The following GRID1 variants were observed in gnomAD, a reference collection of about 807,000 sequenced individuals.
The protein encoded by GRID1 is glutamate ionotropic receptor delta type subunit 1.
Under a neutral mutation model 98.0 loss-of-function variants are expected in GRID1, and 28 were observed. The ratio of observed to expected loss-of-function variants is 0.29; its 90% CI spans 0.21 to 0.39. The LOEUF (loss-of-function observed/expected upper bound fraction) is 0.39. Ranked by LOEUF, GRID1 falls within the 10% of genes least tolerant of loss-of-function variation. GRID1 has a pLI of 1.00. For missense variants in GRID1, 1,111 were observed against 1,340.5 expected (o/e 0.83, Z 2.67); for synonymous variants, 553 against 538.5 (o/e 1.03, Z -0.37).
intron 8 of GRID1, among the ~76,000 whole-genome samples, chr10:85,769,339 C>A (rs1262580625): frequency 6.6e-6 from 1 of 152,150 alleles, no homozygotes; most frequent in African/African-American, 2.4e-5. Flanking sequence ...ATGGCAGGAG[C>A]TGGAGCCAAG....
At chr10:86,255,882 AC>A (rs759031301) in intron 2 of GRID1, among the ~76,000 whole-genome samples, 1 of 152,038 alleles carries the variant, frequency 6.6e-6, no homozygotes, top group Non-Finnish European at 1.5e-5. Flanking sequence ...CATGTCCAAC[AC>A]AGTCTGCCCT....
chr10:86,306,141 A>G (rs530145560), intron 2 of GRID1, among the ~76,000 whole-genome samples: 1 of 152,338 alleles, frequency 6.6e-6, no homozygotes, highest in East Asian at 1.9e-4. Flanking sequence ...AAAACCCTTT[A>G]GTCAAGGCTT....
chr10:85,956,351 T>A (rs1163298060), intron 4 of GRID1, among the ~76,000 whole-genome samples: 1 of 150,080 alleles, frequency 6.7e-6, no homozygotes. Flanking sequence ...TCCAGCAAGC[T>A]TCTGCTAGCC....
rs1847425107 is a variant in GRID1, at chr10:86,285,955, A to G, written c.235+77986T>C. On this transcript the variant is annotated intron_variant, in intron 2 of 15. Coordinates refer to ENST00000327946, the MANE Select transcript of GRID1 (RefSeq NM_017551.3). ...CAATAACTTATCAACAACATTAAGCAAGAACTTATTGTAGATGTGGGTTTA... is the reference window on the plus strand; with the variant it reads ...CAATAACTTATCAACAACATTAAGCGAGAACTTATTGTAGATGTGGGTTTA... Among the ~76,000 whole-genome samples the G allele has an allele frequency of 3.3e-5, 5 of 152,350 alleles. No homozygotes were observed. In the South Asian group the frequency reaches 1.0e-3, roughly 32 times the overall value.
chr10:85,670,728 G>A (rs554695060), intron 12 of GRID1, among the ~76,000 whole-genome samples: 1 of 152,082 alleles, frequency 6.6e-6, no homozygotes, highest in Non-Finnish European at 1.5e-5. Context: ...TGGGTCACTA[G>A]ACTACACAGA....
chr10:85,632,384 C>G (rs1000355084), intron 13 of GRID1, among the ~76,000 whole-genome samples: 1 of 152,134 alleles, frequency 6.6e-6, no homozygotes, highest in Admixed American at 6.5e-5. Flanking sequence ...AATTCAGAAG[C>G]CATAAGGATC....
chr10:85,948,128 C>A (rs958211833), intron 4 of GRID1, among the ~76,000 whole-genome samples: 8 of 152,136 alleles, frequency 5.3e-5, no homozygotes, highest in African/African-American at 1.9e-4. Context: ...TAGTAATGTA[C>A]CATTGTCAGT....
At chr10:85,675,895 G>T (rs556565720) in intron 12 of GRID1, among the ~76,000 whole-genome samples, 1 of 152,264 alleles carries the variant, frequency 6.6e-6, no homozygotes, top group East Asian at 1.9e-4. Context: ...CATGCATTTT[G>T]TGAGGGCTGG....
At chr10:86,044,634 C>T (rs376090791) in intron 4 of GRID1, among the ~76,000 whole-genome samples, 6 of 152,158 alleles carry the variant, frequency 3.9e-5, no homozygotes, top group Non-Finnish European at 7.3e-5. Flanking sequence ...ACAGAGGTGC[C>T]GTTACAGGGT....
At chr10:86,282,147 G>C (rs1045178283) in intron 2 of GRID1, among the ~76,000 whole-genome samples, 7 of 152,196 alleles carry the variant, frequency 4.6e-5, no homozygotes, top group African/African-American at 1.4e-4. Flanking sequence ...ATGGCTACTG[G>C]AAGAATGAAA....
intron 3 of GRID1, among the ~76,000 whole-genome samples, chr10:86,200,973 T>G (rs1426560305): frequency 2.6e-5 from 4 of 152,176 alleles, no homozygotes; most frequent in African/African-American, 4.8e-5. Flanking sequence ...CACATGGTAG[T>G]GTGAATAGGT....
intron 8 of GRID1, among the ~76,000 whole-genome samples, chr10:85,759,774 A>G (rs1349239897): frequency 6.6e-6 from 1 of 152,172 alleles, no homozygotes; most frequent in Non-Finnish European, 1.5e-5. Flanking sequence ...CGGAAAATGT[A>G]TTTTTCCCTT....
At chr10:85,858,462 A>T (rs1843134744) in intron 6 of GRID1, among the ~76,000 whole-genome samples, 2 of 152,128 alleles carry the variant, frequency 1.3e-5, no homozygotes, top group African/African-American at 2.4e-5. Flanking sequence ...GGCCTAGAGG[A>T]GCATTTCCTC....
intron 5 of GRID1, among the ~76,000 whole-genome samples, chr10:85,876,592 C>A (rs72842934): frequency 0.025 from 3,790 of 152,280 alleles, 163 homozygotes; most frequent in East Asian, 0.2. Context: ...ATTCAGCCCA[C>A]TGCATCCAGA....
chr10:85,930,650 T>G (rs912531104), intron 4 of GRID1, among the ~76,000 whole-genome samples: 1 of 151,880 alleles, frequency 6.6e-6, no homozygotes, highest in Admixed American at 6.6e-5. Context: ...TTTTTTTTTC[T>G]GAAGCCCATC....
Position 85,723,110 on chromosome 10 carries a change from C to T in GRID1, c.1890G>A (p.Met630Ile), listed in dbSNP as rs1451091296. 6 of 1,611,284 alleles carry T rather than the reference C, an allele frequency of 3.7e-6. No individual in the cohort carries two copies. Among genetic ancestry groups the T allele is most frequent in the Non-Finnish European group, 5.1e-6 (6 of 1,178,768 alleles). Residue 630 changes from methionine (M) to isoleucine (I), a missense_variant, in exon 12 of 16, where the codon ATG (methionine) becomes ATA (isoleucine). Transcript: ENST00000327946. ...GGESSVNSMA[M>I]RIVMGSWWLF... is the part of the protein sequence containing the mutation. ...GCCACCAGCTGCCCATCACGATGCG[C>T]ATGGCCATGGAGTTCACGGAAGATT...
At chr10:85,735,708 A>C (rs58079272) in intron 8 of GRID1, among the ~76,000 whole-genome samples, 3,787 of 152,196 alleles carry the variant, frequency 0.025, 153 homozygotes, top group African/African-American at 0.086. Context: ...ACGGGTGGCA[A>C]TCTTACTGTT....
rs141518802 is a variant in GRID1 at position 86,259,417 on chromosome 10, A to G, written c.236-52769T>C. ...TTTCCTCCCTTGTGTGCGTGTAAAC[A>G]ATGCGTACAGAAAGTTGAATGTCTC... On this transcript the variant is annotated intron_variant, in intron 2 of 15. Coordinates refer to ENST00000327946, the MANE Select transcript of GRID1 (RefSeq NM_017551.3). 7.6e-3 allele frequency among the ~76,000 whole-genome samples: 1,155 copies of G among 152,358 alleles called. 23 individuals are homozygous for G. Among genetic ancestry groups the G allele is most frequent in the African/African-American group, 0.025 (1,056 of 41,576 alleles).
At chr10:85,635,587 C>A (rs528619866) in intron 13 of GRID1, among the ~76,000 whole-genome samples, 3 of 152,312 alleles carry the variant, frequency 2.0e-5, no homozygotes, top group African/African-American at 7.2e-5. Context: ...AGTGCTTTAT[C>A]CATGCCTACC....
Sources: allele counts gnomAD v4.1 joint callset (sites outside exome capture counted in the v4.1 genomes callset), GRCh38; gene constraint gnomAD v4.1.1; transcripts MANE v1.5; gene names NCBI Gene and HGNC (gene_info 2026-07-23, HGNC 2026-07-21).